The following NOVA1 variants were observed in gnomAD, a reference collection of about 807,000 sequenced individuals.
NOVA1 encodes NOVA alternative splicing regulator 1, also known as RNA-binding protein Nova-1.
In NOVA1, 7 loss-of-function variants were observed where a neutral mutation model predicts 38.0. The ratio of observed to expected loss-of-function variants is 0.18; its 90% CI spans 0.10 to 0.35. The LOEUF is 0.35. Among genes scored for constraint, NOVA1 ranks in the 10% least tolerant of loss-of-function variants. The pLI, the probability that NOVA1 is intolerant of heterozygous loss-of-function variation, is 1.00. For missense variants in NOVA1, 460 were observed against 616.0 expected (o/e 0.75, Z 2.68); for synonymous variants, 270 against 232.5 (o/e 1.16, Z -1.47).
intron 2 of NOVA1, among the ~76,000 whole-genome samples, chr14:26,530,092 T>A (rs1889597044): frequency 6.6e-6 from 1 of 152,182 alleles, no homozygotes; most frequent in Non-Finnish European, 1.5e-5. Flanking sequence ...GCTAATTTTT[T>A]GTATTTTTAG....
rs562131316 is a variant in NOVA1, at chr14:26,594,827, T to C, written c.280+583A>G. 2.0e-5 allele frequency among the ~76,000 whole-genome samples: 3 copies of C among 152,250 alleles called. No individual in the cohort carries two copies. The South Asian group carries it at 6.2e-4, about 31-fold the overall frequency. On this transcript the variant is annotated intron_variant, in intron 2 of 4. Coordinates refer to ENST00000539517, the MANE Select transcript of NOVA1 (RefSeq NM_002515.3). ...TTAGCTCTTAAGTTAACATGAATTC[T>C]GAAGCATTATTTTACTTCTTGCATA...
At chr14:26,475,101 C>G (rs1266466674) in intron 3 of NOVA1, among the ~76,000 whole-genome samples, 1 of 152,004 alleles carries the variant, frequency 6.6e-6, no homozygotes, top group Non-Finnish European at 1.5e-5. Flanking sequence ...TAAAGCCATA[C>G]AGATTTCTTA....
intron 2 of NOVA1, among the ~76,000 whole-genome samples, chr14:26,500,249 C>T (rs180855416): frequency 6.6e-5 from 10 of 152,172 alleles, no homozygotes; most frequent in Non-Finnish European, 1.3e-4. Flanking sequence ...TATCTTTACA[C>T]TCACAGCAGC....
chr14:26,540,439 G>A lies in NOVA1; in HGVS notation c.280+54971C>T, dbSNP rs141707268. 9.6e-3 allele frequency among the ~76,000 whole-genome samples: 1,459 copies of A among 152,260 alleles called. 18 individuals carry two copies. Among genetic ancestry groups the A allele is most frequent in the African/African-American group, 0.031 (1,296 of 41,550 alleles). On this transcript the variant is annotated intron_variant, in intron 2 of 4. Coordinates refer to ENST00000539517, the MANE Select transcript of NOVA1 (RefSeq NM_002515.3). ...ACCAGTCCCTGGTGCCAAAAAGGTC[G>A]GGGGCTGCTGAATTAGATGACTTTT...
chr14:26,535,608 T>G (rs1219488745), intron 2 of NOVA1, among the ~76,000 whole-genome samples: 7 of 152,106 alleles, frequency 4.6e-5, no homozygotes, highest in African/African-American at 1.7e-4. Flanking sequence ...ATGATTATAG[T>G]ATATATGATT....
At chr14:26,449,623 T>C (rs555072154) in intron 4 of NOVA1, among the ~76,000 whole-genome samples, 1 of 152,278 alleles carries the variant, frequency 6.6e-6, no homozygotes, top group South Asian at 2.1e-4. Flanking sequence ...TAATAATTTT[T>C]AATTTTTCAA....
chr14:26,595,049 T>A (rs1476643058), intron 2 of NOVA1, among the ~76,000 whole-genome samples: 1 of 152,146 alleles, frequency 6.6e-6, no homozygotes, highest in East Asian at 1.9e-4. Context: ...GAATTCACTC[T>A]AAGCTAATTG....
intron 2 of NOVA1, among the ~76,000 whole-genome samples, chr14:26,514,613 T>C (rs1194418835): frequency 1.3e-5 from 2 of 151,840 alleles, no homozygotes. Flanking sequence ...AAGTAGTACT[T>C]TGCCTTTTTC....
intron 2 of NOVA1, among the ~76,000 whole-genome samples, chr14:26,521,968 C>T (rs1183939936): frequency 6.6e-6 from 1 of 151,808 alleles, no homozygotes; most frequent in Non-Finnish European, 1.5e-5. Flanking sequence ...GTCAGTGTTC[C>T]TTATCATTAA....
At chr14:26,449,740 A>G (rs975385957) in intron 4 of NOVA1, among the ~76,000 whole-genome samples, 15 of 152,108 alleles carry the variant, frequency 9.9e-5, no homozygotes, top group Admixed American at 8.5e-4. Flanking sequence ...TATCATTGCT[A>G]CATTTTTAAA....
chr14:26,487,041 A>T (rs1288819038), intron 2 of NOVA1, among the ~76,000 whole-genome samples: 3 of 152,158 alleles, frequency 2.0e-5, no homozygotes, highest in African/African-American at 7.2e-5. Flanking sequence ...GATGATTTAC[A>T]TTCATTTCTT....
chr14:26,597,273 C>T, intron 1 of NOVA1, 28 bp downstream of exon 1: 1 of 1,237,654 alleles, frequency 8.1e-7, no homozygotes, highest in Non-Finnish European at 1.0e-6. Flanking sequence ...GGGGATGGGG[C>T]CAGCGGGGAG....
At chr14:26,476,670 T>C (rs1196040292) in intron 3 of NOVA1, among the ~76,000 whole-genome samples, 2 of 152,090 alleles carry the variant, frequency 1.3e-5, no homozygotes. Context: ...CTATTAACTG[T>C]CACTCTGACC....
chr14:26,532,930 G>T (rs560789550), intron 2 of NOVA1, among the ~76,000 whole-genome samples: 1 of 152,252 alleles, frequency 6.6e-6, no homozygotes, highest in East Asian at 1.9e-4. Flanking sequence ...ATATGGTTCA[G>T]AAATCTTATT....
chr14:26,496,550 A>G lies in NOVA1; in HGVS notation c.281-16407T>C, dbSNP rs564460622. 4.7e-4 allele frequency among the ~76,000 whole-genome samples: 72 copies of G among 152,134 alleles called. No homozygotes were observed. In the Middle Eastern group the frequency reaches 0.01, roughly 22 times the overall value. On this transcript the variant is annotated intron_variant, in intron 2 of 4. Coordinates refer to ENST00000539517, the MANE Select transcript of NOVA1 (RefSeq NM_002515.3). ...TTGTTGCCATTGCTTTTGGTGTTTTAGACATGAAGTCCTTGCCCATGCCTA... is the reference window on the plus strand; with the variant it reads ...TTGTTGCCATTGCTTTTGGTGTTTTGGACATGAAGTCCTTGCCCATGCCTA...
intron 2 of NOVA1, among the ~76,000 whole-genome samples, chr14:26,578,699 A>G (rs1893019238): frequency 6.6e-6 from 1 of 152,190 alleles, no homozygotes; most frequent in South Asian, 2.1e-4. Flanking sequence ...ATATCATCAT[A>G]TATTGTGTAG....
intron 2 of NOVA1, among the ~76,000 whole-genome samples, chr14:26,542,231 A>G (rs999285241): frequency 6.6e-6 from 1 of 151,878 alleles, no homozygotes; most frequent in African/African-American, 2.4e-5. Context: ...TGAAGGGAAA[A>G]TATGCTTTCT....
At chr14:26,505,285 T>TG (rs1887561881) in intron 2 of NOVA1, among the ~76,000 whole-genome samples, 1 of 152,080 alleles carries the variant, frequency 6.6e-6, no homozygotes, top group Non-Finnish European at 1.5e-5. Flanking sequence ...ATAAACCCCA[T>TG]GTGTCAGAGG....
chr14:26,448,508 A>G lies in NOVA1; in HGVS notation c.975T>C (p.Tyr325=). The G allele has an allele frequency of 6.2e-7, 1 of 1,614,190 alleles. No homozygotes were observed. Among genetic ancestry groups the G allele is most frequent in the East Asian group, 2.2e-5 (1 of 44,874 alleles). ...ITSALNTLAS[Y]GYNLNTLGLG... is the part of the protein sequence containing the mutation. ...AACCTAAAGTGTTGAGATTATATCC[A>G]TAGCTGGCTAATGTATTAAGTGCAG... The change falls in exon 5 of 5, where the codon TAT becomes TAC. Residue 325 remains tyrosine, a synonymous_variant. Coordinates refer to ENST00000539517, the MANE Select transcript of NOVA1 (RefSeq NM_002515.3). This position sits in a 1 kb window ranked among gnomAD's most constrained non-coding sequence, Gnocchi z 5.3.
Sources: gnomAD v4.1 joint callset for allele counts (sites outside exome capture counted in the v4.1 genomes callset) on GRCh38, gnomAD v4.1.1 for gene constraint, Gnocchi (gnomAD v3.1) non-coding constraint, MANE v1.5 for transcripts, NCBI Gene and HGNC (gene_info 2026-07-23, HGNC 2026-07-21) for gene names.